The following CELSR1 variants were observed in gnomAD, a reference collection of about 807,000 sequenced individuals.
The protein encoded by CELSR1 is cadherin EGF LAG seven-pass G-type receptor 1.
CELSR1 carries 110 observed loss-of-function variants against 249.1 expected under a neutral mutation model. The ratio of observed to expected loss-of-function variants is 0.44; its 90% CI spans 0.38 to 0.52. The LOEUF is 0.52. Among genes scored for constraint, CELSR1 ranks in the 20% least tolerant of loss-of-function variants. The probability of loss-of-function intolerance (pLI) is 0.00; values close to 1 mark genes in which losing one functional copy is unlikely to be tolerated. For synonymous variants in CELSR1, 2,113 were observed against 1,900.0 expected (o/e 1.11, Z -2.92); for missense variants, 4,109 against 4,296.4 (o/e 0.96, Z 1.22).
chr22:46,515,369 C>T (rs1284667812), intron 1 of CELSR1, among the ~76,000 whole-genome samples: 2 of 152,222 alleles, frequency 1.3e-5, no homozygotes, highest in Non-Finnish European at 2.9e-5. Flanking sequence ...GTGGATGCTC[C>T]CAAGTCACAT....
chr22:46,386,610 A>T (rs1191034145), intron 18 of CELSR1, 25 bp from the exon 19 acceptor site: 1 of 1,542,430 alleles, frequency 6.5e-7, no homozygotes, highest in Non-Finnish European at 8.7e-7. Context: ...AGCACTCAGT[A>T]CTCAGCCTGC....
Position 46,370,474 on chromosome 22 carries a change from T to C in CELSR1, c.7760-670A>G, listed in dbSNP as rs2078840033. 2.0e-5 allele frequency among the ~76,000 whole-genome samples: 3 copies of C among 151,298 alleles called. No individual in the cohort carries two copies. The South Asian group carries it at 6.3e-4, about 32-fold the overall frequency. On this transcript the variant is annotated intron_variant, in intron 25 of 34. Transcript: ENST00000674500. ...CCACCGAGCCTGCTATACGAGCTGC[T>C]TGTTTAGATAGAGGAAGAAATGCTC...
intron 24 of CELSR1, among the ~76,000 whole-genome samples, chr22:46,373,707 G>A (rs1364630964): frequency 3.6e-5 from 5 of 139,710 alleles, no homozygotes; most frequent in African/African-American, 1.1e-4. Context: ...GGGAGATGGG[G>A]GAGATGGGGG....
chr22:46,503,638 C>T (rs913224206), intron 1 of CELSR1, among the ~76,000 whole-genome samples: 16 of 152,232 alleles, frequency 1.1e-4, no homozygotes, highest in African/African-American at 3.4e-4. Context: ...TATTACTGTC[C>T]CTATTTTTAA....
intron 1 of CELSR1, among the ~76,000 whole-genome samples, chr22:46,483,791 C>G (rs1161559801): frequency 6.6e-6 from 1 of 152,150 alleles, no homozygotes; most frequent in Non-Finnish European, 1.5e-5. Context: ...ATCTTCCTGC[C>G]AAGGTAGAGT....
In CELSR1 at chr22:46,369,702, G is replaced by A. The variant is rs770735993; in HGVS notation, c.7862C>T (p.Ala2621Val). The A allele has an allele frequency of 6.2e-7, 1 of 1,613,368 alleles. No individual in the cohort carries two copies. The highest frequency in any genetic ancestry group is 1.1e-5 in the South Asian group (1 of 91,082). Residue 2621 changes from alanine to valine, a missense_variant, in exon 26 of 35, where the codon GCT (alanine) becomes GTT (valine). Physicochemically the swap from Ala to Val is moderately conservative, Grantham distance 64. Transcript: ENST00000674500. ...LIWSFAGPIG[A>V]VIIINTVTSV... ...AGGCCCCACACTCACGATTATAACAGCTCCGATGGGCCCCGCAAAGCTCCA... is the reference window on the plus strand; with the variant it reads ...AGGCCCCACACTCACGATTATAACAACTCCGATGGGCCCCGCAAAGCTCCA...
At chr22:46,426,915 G>A (rs981185491) in intron 5 of CELSR1, among the ~76,000 whole-genome samples, 4 of 152,194 alleles carry the variant, frequency 2.6e-5, no homozygotes, top group African/African-American at 9.7e-5. Flanking sequence ...CAATCTCTGT[G>A]GTTTGTAAGT....
chr22:46,522,007 T>A (rs2080691080), intron 1 of CELSR1, among the ~76,000 whole-genome samples: 1 of 152,202 alleles, frequency 6.6e-6, no homozygotes, highest in Admixed American at 6.5e-5. Context: ...CTTCAACACG[T>A]GTTTTCTGAG....
At position 46,389,305 on chromosome 22, in the gene CELSR1, G is replaced by A. The variant is rs140653895; in HGVS notation, c.6540C>T (p.Asp2180=). ...QQGFDLAATQ[D]ADFHEDVIHS... is the part of the protein sequence containing the mutation. ...ACCCGCCTACCTCGTGAAAGTCGGC[G>A]TCCTGCGTGGCTGCCAGGTCGAAGC... is the stretch of plus-strand genomic sequence containing the variant. The change falls in exon 18 of 35, where the codon GAC becomes GAT. Residue 2180 remains aspartate (D), a synonymous_variant. Coordinates refer to ENST00000674500, the MANE Select transcript of CELSR1 (RefSeq NM_001378328.1). The A allele has an allele frequency of 5.2e-4, 840 of 1,606,882 alleles. 4 individuals carry two copies. In the African/African-American group the frequency reaches 9.2e-3, roughly 18 times the overall value.
At chr22:46,397,595 T>C (rs1336243778) in intron 12 of CELSR1, 79 bp downstream of exon 12, 2 of 1,315,798 alleles carry the variant, frequency 1.5e-6, no homozygotes, top group Non-Finnish European at 2.0e-6. Context: ...GACGCTAATG[T>C]CTAAACTGAG....
At position 46,390,821 on chromosome 22, in the gene CELSR1, C is replaced by T. The variant is rs2079082073; in HGVS notation, c.6251-335G>A. On this transcript the variant is annotated intron_variant, in intron 16 of 34. Coordinates refer to ENST00000674500, the MANE Select transcript of CELSR1 (RefSeq NM_001378328.1). The surrounding 1 kb of genome is among the most constrained non-coding windows in gnomAD (Gnocchi z 6.3). ...ATTTCGGCTGGGCCTTTCCTTGCCT[C>T]ACTGGATTTTCCAGACGCCCCTCAC... Among the ~76,000 whole-genome samples, 1 of 152,222 alleles carries T rather than the reference C, an allele frequency of 6.6e-6. No individual in the cohort carries two copies. The highest frequency in any genetic ancestry group is 1.5e-5 in the Non-Finnish European group (1 of 68,044).
chr22:46,398,517 CA>C lies in CELSR1; in HGVS notation c.5526+6del, dbSNP rs1167613926. 4.4e-6 allele frequency: 7 copies of C among 1,599,612 alleles called. No individual in the cohort carries two copies. Among genetic ancestry groups the C allele is most frequent in the Non-Finnish European group, 6.0e-6 (7 of 1,171,786 alleles). ...GCCTCCCCCCGCCCCCCACAACCCC[CA>C]CGCACCTGCATGCAGCCTCGGAATC... On this transcript the variant is annotated splice_donor_region_variant and intron_variant, in intron 11 of 34. Transcript: ENST00000674500. The surrounding 1 kb of genome is among the most constrained non-coding windows in gnomAD (Gnocchi z 7.2).
Position 46,410,741 on chromosome 22 carries a change from C to T in CELSR1, c.4770-180G>A, listed in dbSNP as rs1456860000. On this transcript the variant is annotated intron_variant, in intron 6 of 34. Transcript: ENST00000674500. The surrounding 1 kb of genome is among the most constrained non-coding windows in gnomAD (Gnocchi z 6.8). Reference sequence around the variant, plus strand: ...CTGTGTCTGGTGCCGCCACTGCCTCCGTTTGCTCACACTTGTGTTCAGTCC... The same window carrying T: ...CTGTGTCTGGTGCCGCCACTGCCTCTGTTTGCTCACACTTGTGTTCAGTCC... Among the ~76,000 whole-genome samples, 1 of 151,944 alleles carries T rather than the reference C, an allele frequency of 6.6e-6. No homozygotes were observed. The highest frequency in any genetic ancestry group is 2.1e-4 in the South Asian group (1 of 4,812).
In CELSR1 at chr22:46,500,341, T is replaced by C. The variant is rs566909291; in HGVS notation, c.3544+33286A>G. Reference sequence around the variant, plus strand: ...TGCCTGCTGGAGATGACCTTTTATATGGAGCCGCTGACAGCCCCCTCCCCC... The same window carrying C: ...TGCCTGCTGGAGATGACCTTTTATACGGAGCCGCTGACAGCCCCCTCCCCC... On this transcript the variant is annotated intron_variant, in intron 1 of 34. Transcript: ENST00000674500. The surrounding 1 kb of genome is among the most constrained non-coding windows in gnomAD (Gnocchi z 4.9). 1.3e-5 allele frequency among the ~76,000 whole-genome samples: 2 copies of C among 152,276 alleles called. No individual in the cohort carries two copies. The highest frequency in any genetic ancestry group is 4.8e-5 in the African/African-American group (2 of 41,552).
intron 1 of CELSR1, among the ~76,000 whole-genome samples, chr22:46,502,361 T>A (rs570677720): frequency 1.3e-3 from 62 of 48,912 alleles, no homozygotes; most frequent in African/African-American, 6.5e-3. Flanking sequence ...GTGGGGAAAG[T>A]TGGAGGAAAG....
At chr22:46,476,779 G>A (rs2080212857) in intron 1 of CELSR1, among the ~76,000 whole-genome samples, 1 of 152,002 alleles carries the variant, frequency 6.6e-6, no homozygotes, top group African/African-American at 2.4e-5. Context: ...GGGGCAAGAG[G>A]GACCAGAAGT....
At position 46,471,440 on chromosome 22, in the gene CELSR1, A is replaced by G. The variant is rs2080154280; in HGVS notation, c.3545-7095T>C. Reference sequence around the variant, plus strand: ...AGTCTCATTCTGTGGCCCAGGCTGGAATGCAGTGGTGTGATTACTGCAGCC... The same window carrying G: ...AGTCTCATTCTGTGGCCCAGGCTGGGATGCAGTGGTGTGATTACTGCAGCC... On this transcript the variant is annotated intron_variant, in intron 1 of 34. Transcript: ENST00000674500. The surrounding 1 kb of genome is among the most constrained non-coding windows in gnomAD (Gnocchi z 4.9). Among the ~76,000 whole-genome samples the G allele has an allele frequency of 6.6e-6, 1 of 152,090 alleles. No homozygotes were observed. The highest frequency in any genetic ancestry group is 1.5e-5 in the Non-Finnish European group (1 of 68,014).
intron 9 of CELSR1, among the ~76,000 whole-genome samples, chr22:46,405,532 C>T (rs2079256739): frequency 6.6e-6 from 1 of 151,642 alleles, no homozygotes; most frequent in South Asian, 2.1e-4. Context: ...CCAAAGTGAG[C>T]AGATCAGTGA....
Position 46,365,284 on chromosome 22 carries a change from C to G in CELSR1, c.8501G>C (p.Gly2834Ala), listed in dbSNP as rs769981080. The part of the protein sequence containing the change: ...HSSDSEDDGV[G>A]AEEKWDPARG... The stretch of plus-strand genomic sequence containing the variant: ...GGCCGGGTCCCATTTTTCCTCAGCT[C>G]CCACCCCATCGTCCTCGCTGTCTGA... Residue 2834 changes from glycine (G) to alanine (A), a missense_variant, in exon 32 of 35, where the codon GGA becomes GCA. Physicochemically the swap from Gly to Ala is moderately conservative, Grantham distance 60 (BLOSUM62 0). Coordinates refer to ENST00000674500, the MANE Select transcript of CELSR1 (RefSeq NM_001378328.1). The G allele has an allele frequency of 6.2e-7, 1 of 1,612,746 alleles. No individual in the cohort carries two copies. Among genetic ancestry groups the G allele is most frequent in the African/African-American group, 1.3e-5 (1 of 74,950 alleles).
Sources: allele counts gnomAD v4.1 joint callset (sites outside exome capture counted in the v4.1 genomes callset), GRCh38; gene constraint gnomAD v4.1.1; non-coding constraint Gnocchi (gnomAD v3.1); transcripts MANE v1.5; gene names NCBI Gene and HGNC (gene_info 2026-07-23, HGNC 2026-07-21).